The following TTLL9 variants were observed in gnomAD, a reference collection of about 807,000 sequenced individuals.
TTLL9 encodes the protein tubulin tyrosine ligase like 9.
Under a neutral mutation model 65.6 loss-of-function variants are expected in TTLL9, and 47 were observed. The observed-to-expected ratio is 0.72, with a 90% CI of 0.57 to 0.91. TTLL9 has a LOEUF of 0.91. Ranked by LOEUF, TTLL9 falls within the 40% of genes least tolerant of loss-of-function variation. TTLL9 has a pLI of 0.00. For synonymous variants in TTLL9, 179 were observed against 204.8 expected (o/e 0.87, Z 1.07); for missense variants, 537 against 568.8 (o/e 0.94, Z 0.57).
intron 2 of TTLL9, among the ~76,000 whole-genome samples, chr20:31,880,214 G>T (rs186117598): frequency 8.4e-4 from 128 of 152,258 alleles, no homozygotes; most frequent in Admixed American, 1.5e-3. Context: ...AGGGGAAGTT[G>T]AACCTCAGAA....
At chr20:31,942,026 G>A (rs1228727507) in intron 14 of TTLL9, among the ~76,000 whole-genome samples, 1 of 152,172 alleles carries the variant, frequency 6.6e-6, no homozygotes, top group East Asian at 1.9e-4. Context: ...GCCAAATAGA[G>A]TTTAAGTTAG....
intron 12 of TTLL9, among the ~76,000 whole-genome samples, chr20:31,935,445 C>T (rs1050657529): frequency 2.0e-5 from 3 of 152,190 alleles, no homozygotes; most frequent in African/African-American, 7.2e-5. Flanking sequence ...AGGGCAAAGC[C>T]AGGCCCAGGG....
At chr20:31,879,506 G>C in intron 2 of TTLL9, 1 of 235,044 alleles carries the variant, frequency 4.3e-6, no homozygotes, top group Non-Finnish European at 8.3e-6. Context: ...ACTTCGTTAA[G>C]TAAGGAAACT....
Position 31,926,103 on chromosome 20 carries a change from G to A in TTLL9, c.748+12G>A, listed in dbSNP as rs889828511. 1.9e-6 allele frequency: 3 copies of A among 1,575,710 alleles called. No homozygotes were observed. The highest frequency in any genetic ancestry group is 3.3e-5 in the Admixed American group (2 of 59,942). Reference sequence around the variant, plus strand: ...GCACAGGAGACAGGGTATGAGATAGGTCTGGTCCCTTCCCTCCGGGAGCTT... The same window carrying A: ...GCACAGGAGACAGGGTATGAGATAGATCTGGTCCCTTCCCTCCGGGAGCTT... On this transcript the variant is annotated intron_variant, in intron 10 of 14. Transcript: ENST00000535842.
At chr20:31,938,305 C>G in intron 13 of TTLL9, 1 of 430,142 alleles carries the variant, frequency 2.3e-6, no homozygotes, top group South Asian at 1.7e-5. Context: ...GGGGTCAACC[C>G]CATGTGAGCC....
intron 2 of TTLL9, among the ~76,000 whole-genome samples, chr20:31,883,656 T>A (rs1177905056): frequency 2.0e-5 from 3 of 152,058 alleles, no homozygotes; most frequent in African/African-American, 7.2e-5. Flanking sequence ...TACATAATAA[T>A]TACCTAATAA....
At chr20:31,872,513 CAA>C (rs370298785) in intron 2 of TTLL9, among the ~76,000 whole-genome samples, 24 of 118,396 alleles carry the variant, frequency 2.0e-4, no homozygotes, top group Admixed American at 5.1e-4. Flanking sequence ...CCTGCTTTTA[CAA>C]AAAAAAAAAA....
intron 3 of TTLL9, among the ~76,000 whole-genome samples, chr20:31,895,532 T>A (rs1307558992): frequency 6.6e-6 from 1 of 152,216 alleles, no homozygotes; most frequent in Admixed American, 6.5e-5. Flanking sequence ...TCTGTATTTT[T>A]ATTTTTTTAC....
intron 2 of TTLL9, among the ~76,000 whole-genome samples, chr20:31,885,425 T>C (rs867000335): frequency 5.3e-5 from 8 of 152,176 alleles, no homozygotes; most frequent in African/African-American, 1.9e-4. Context: ...CCAATGCAAT[T>C]CAATGAGGAG....
chr20:31,875,977 T>C (rs1038329110), intron 2 of TTLL9, among the ~76,000 whole-genome samples: 4 of 152,240 alleles, frequency 2.6e-5, no homozygotes, highest in African/African-American at 9.6e-5. Flanking sequence ...TTACTACCTA[T>C]ACATACAAAA....
intron 10 of TTLL9, among the ~76,000 whole-genome samples, chr20:31,926,742 T>A (rs4911539): frequency 0.14 from 21,654 of 152,232 alleles, 2,085 homozygotes; most frequent in East Asian, 0.32. Context: ...ATTTCCAAGA[T>A]ATATTGTTAA....
chr20:31,942,793 C>G (rs1231827981), intron 14 of TTLL9, 152 bp from the exon 15 acceptor site: 1 of 729,124 alleles, frequency 1.4e-6, no homozygotes, highest in South Asian at 1.7e-5. Context: ...AGGGCCATGG[C>G]AGTTTAGGAA....
chr20:31,934,627 G>T (rs2064077263), intron 11 of TTLL9, 65 bp from the exon 12 acceptor site: 1 of 1,422,436 alleles, frequency 7.0e-7, no homozygotes. Flanking sequence ...ATTGTGTAAG[G>T]GTCCTAGCAG....
At chr20:31,901,250 A>G (rs2063475013) in intron 4 of TTLL9, 1 of 152,258 alleles carries the variant, frequency 6.6e-6, no homozygotes, top group African/African-American at 2.4e-5. Context: ...GGATGGCAGA[A>G]TGGATACTTA....
chr20:31,935,135 G>T lies in TTLL9; in HGVS notation c.1004+247G>T, dbSNP rs1029750060. Among the ~76,000 whole-genome samples, 5 of 152,134 alleles carry T rather than the reference G, an allele frequency of 3.3e-5. No homozygotes were observed. The East Asian group carries it at 5.8e-4, about 18-fold the overall frequency. ...TTTGGAGCACTGAGGACCGAGCCTGGCACTGGGAGGCCCTTCCTGATCATC... is the reference window on the plus strand; with the variant it reads ...TTTGGAGCACTGAGGACCGAGCCTGTCACTGGGAGGCCCTTCCTGATCATC... On this transcript the variant is annotated intron_variant, in intron 12 of 14. Coordinates refer to ENST00000535842, the MANE Select transcript of TTLL9 (RefSeq NM_001008409.5).
chr20:31,898,590 C>T (rs1568769485), intron 4 of TTLL9, 25 bp downstream of exon 4: 4 of 1,600,084 alleles, frequency 2.5e-6, no homozygotes, highest in Middle Eastern at 1.7e-4. Flanking sequence ...CCAGCCTTGT[C>T]CCTCCTTCCC....
intron 3 of TTLL9, 60 bp downstream of exon 3, chr20:31,887,299 C>T (rs1335209824): frequency 1.3e-6 from 2 of 1,539,642 alleles, no homozygotes; most frequent in South Asian, 1.1e-5. Context: ...CCTCCCTCCC[C>T]TTTTCAATCC....
At chr20:31,882,317 A>G (rs1469214957) in intron 2 of TTLL9, among the ~76,000 whole-genome samples, 2 of 152,206 alleles carry the variant, frequency 1.3e-5, no homozygotes, top group Admixed American at 6.5e-5. Context: ...CAGCTAAGCA[A>G]TGAAGCTGAT....
intron 4 of TTLL9, among the ~76,000 whole-genome samples, chr20:31,903,901 T>A (rs1193845495): frequency 6.6e-6 from 1 of 152,236 alleles, no homozygotes; most frequent in Non-Finnish European, 1.5e-5. Context: ...TCCACTAACA[T>A]CCTTTTTCTG....
Sources: allele counts gnomAD v4.1 joint callset (sites outside exome capture counted in the v4.1 genomes callset), GRCh38; gene constraint gnomAD v4.1.1; transcripts MANE v1.5; gene names NCBI Gene and HGNC (gene_info 2026-07-23, HGNC 2026-07-21).